MIAT: variants seen among roughly 807,000 people sequenced by gnomAD.
MIAT encodes MI related novel mRNA.
chr22:26,662,832 A>G (rs1167696139), intron 2 of MIAT, among the ~76,000 whole-genome samples: 1 of 152,204 alleles, frequency 6.6e-6, no homozygotes, highest in African/African-American at 2.4e-5. Flanking sequence ...CCCATCCATT[A>G]CTAAGAACAG....
At chr22:26,672,128 G>A (rs2146020219), downstream of MIAT, 1 of 399,720 alleles carries the variant, frequency 2.5e-6, no homozygotes, top group Admixed American at 4.4e-5. Context: ...TTCTCTTAGC[G>A]ACTCCTGTGT....
chr22:26,662,774 C>T (rs1930719545), intron 2 of MIAT, among the ~76,000 whole-genome samples: 1 of 152,136 alleles, frequency 6.6e-6, no homozygotes, highest in Non-Finnish European at 1.5e-5. Flanking sequence ...AGACCAAAAA[C>T]CCAGAGGGAT....
chr22:26,674,421 G>C, downstream of MIAT: 1 of 398,808 alleles, frequency 2.5e-6, no homozygotes, highest in East Asian at 3.6e-5. Flanking sequence ...GAGTCTGCAG[G>C]AGAAGACAGT....
At chr22:26,673,230 G>A (rs1308268625), downstream of MIAT, 14 of 398,832 alleles carry the variant, frequency 3.5e-5, no homozygotes, top group African/African-American at 1.2e-4. Flanking sequence ...TCCCACGGAC[G>A]TCACTGCCTC....
At chr22:26,664,733 CTT>C (rs968801903) in intron 3 of MIAT, among the ~76,000 whole-genome samples, 1 of 152,224 alleles carries the variant, frequency 6.6e-6, no homozygotes, top group Non-Finnish European at 1.5e-5. Flanking sequence ...ATAAGCCAGA[CTT>C]TGCTTTTCCA....
chr22:26,658,748 C>A (rs762831272), intron 2 of MIAT, among the ~76,000 whole-genome samples: 1 of 152,182 alleles, frequency 6.6e-6, no homozygotes, highest in Admixed American at 6.5e-5. Flanking sequence ...GCAGTGCCGC[C>A]GCGGGGAAAA....
At chr22:26,658,817 C>T (rs1432944592) in intron 2 of MIAT, among the ~76,000 whole-genome samples, 2 of 152,138 alleles carry the variant, frequency 1.3e-5, no homozygotes, top group East Asian at 3.9e-4. Flanking sequence ...TGCGAGAGAA[C>T]TTGAGGGAAC....
exon 5 of MIAT, chr22:26,675,753 T>C (rs1602378678): frequency 2.5e-6 from 1 of 398,620 alleles, no homozygotes; most frequent in Non-Finnish European, 4.4e-6. Context: ...GATAATTCCA[T>C]TGGGGAGGGA....
At chr22:26,676,295 T>C (rs868631892) in exon 5 of MIAT, 6 of 398,520 alleles carry the variant, frequency 1.5e-5, no homozygotes, top group Admixed American at 8.8e-5. Context: ...AGATGTTTGT[T>C]TTCCATGTCA....
At chr22:26,659,744 T>C (rs773979274) in intron 2 of MIAT, among the ~76,000 whole-genome samples, 3 of 151,272 alleles carry the variant, frequency 2.0e-5, no homozygotes, top group Admixed American at 1.3e-4. Flanking sequence ...ATTCAATAAG[T>C]TTAATAAAAT....
downstream of MIAT, chr22:26,673,863 G>A (rs182210658): frequency 2.3e-5 from 9 of 398,548 alleles, no homozygotes; most frequent in Admixed American, 4.4e-5. Context: ...GGGGTCAGAA[G>A]TATAGCCAGT....
exon 5 of MIAT, chr22:26,675,732 C>T: frequency 5.0e-6 from 2 of 398,654 alleles, no homozygotes; most frequent in East Asian, 3.6e-5. Flanking sequence ...TCATAGGCTG[C>T]AAGTCTATAA....
downstream of MIAT, chr22:26,670,405 A>T: frequency 5.0e-6 from 2 of 398,396 alleles, no homozygotes; most frequent in Non-Finnish European, 8.8e-6. Flanking sequence ...AGTGCCACAA[A>T]ACAGTCTACT....
chr22:26,666,076 A>C (rs1452672312), exon 4 of MIAT: 3 of 398,458 alleles, frequency 7.5e-6, no homozygotes, highest in African/African-American at 2.1e-5. Context: ...TCTCAGTGTA[A>C]GTGTCTGAGC....
chr22:26,655,515 A>C (rs1201545817), intron 2 of MIAT, among the ~76,000 whole-genome samples: 1 of 152,210 alleles, frequency 6.6e-6, no homozygotes, highest in Non-Finnish European at 1.5e-5. Flanking sequence ...AGCCCTTACT[A>C]GGTGCCAGCA....
At chr22:26,653,188 C>A (rs538898541) in intron 2 of MIAT, among the ~76,000 whole-genome samples, 3 of 152,320 alleles carry the variant, frequency 2.0e-5, no homozygotes, top group African/African-American at 7.2e-5. Context: ...CCAGCTGAAT[C>A]CCCCAGAAGG....
At chr22:26,657,101 C>T (rs568246043) in intron 2 of MIAT, 1 of 171,490 alleles carries the variant, frequency 5.8e-6, no homozygotes, top group Non-Finnish European at 1.2e-5. Flanking sequence ...GAACAAGCGT[C>T]TTCTGTCCTC....
chr22:26,673,081 G>A (rs926733196), downstream of MIAT: 2 of 398,698 alleles, frequency 5.0e-6, no homozygotes, highest in East Asian at 7.1e-5. Flanking sequence ...TTGAAAAGGG[G>A]TGTGGGGAGG....
intron 2 of MIAT, chr22:26,656,017 CTTT>C (rs71192952): frequency 1.4e-5 from 2 of 146,214 alleles, no homozygotes; most frequent in Non-Finnish European, 3.0e-5. Context: ...CTTTTCTTTT[CTTT>C]TTTTTTTTCA....
Sources: allele counts gnomAD v4.1 joint callset (sites outside exome capture counted in the v4.1 genomes callset), GRCh38; gene constraint gnomAD v4.1.1; transcripts MANE v1.5; gene names NCBI Gene and HGNC (gene_info 2026-07-23, HGNC 2026-07-21).